REDIC1: variants seen among roughly 807,000 people sequenced by gnomAD.
REDIC1 encodes HEI10 Interacting Protein 1.
the REDIC1 span, among the ~76,000 whole-genome samples, chr12:39,806,181 T>C: frequency 6.6e-6 from 1 of 152,190 alleles, no homozygotes; most frequent in African/African-American, 2.4e-5. Context: ...AAAAAATCGA[T>C]GACAAGTTTA....
chr12:39,767,714 G>A, the REDIC1 span, among the ~76,000 whole-genome samples: 13 of 152,182 alleles, frequency 8.5e-5, no homozygotes, highest in African/African-American at 2.9e-4. Context: ...TAGTCTCCAC[G>A]TTGTGGGAGA....
chr12:39,870,063 A>G, the REDIC1 span, among the ~76,000 whole-genome samples: 4 of 152,222 alleles, frequency 2.6e-5, no homozygotes, highest in African/African-American at 9.6e-5. Context: ...AAAATCCTAC[A>G]GAACTGATAA....
the REDIC1 span, among the ~76,000 whole-genome samples, chr12:39,651,414 C>T: frequency 1.4e-5 from 2 of 147,502 alleles, no homozygotes; most frequent in South Asian, 2.2e-4. Context: ...CAGTTTGACC[C>T]ACTCCTGGTG....
the REDIC1 span, among the ~76,000 whole-genome samples, chr12:39,724,155 A>G: frequency 2.0e-5 from 3 of 152,084 alleles, no homozygotes; most frequent in Non-Finnish European, 2.9e-5. Context: ...ACAATATCTG[A>G]TGGGAATTGG....
chr12:39,637,641 A>T, the REDIC1 span, among the ~76,000 whole-genome samples: 1 of 152,104 alleles, frequency 6.6e-6, no homozygotes, highest in African/African-American at 2.4e-5. Flanking sequence ...ATTTGCATAA[A>T]ATCAAAGAGA....
the REDIC1 span, among the ~76,000 whole-genome samples, chr12:39,788,998 GTTTGT>G: frequency 6.6e-6 from 1 of 152,064 alleles, no homozygotes; most frequent in African/African-American, 2.4e-5. Context: ...TTGTTTTGTA[GTTTGT>G]TTTAACTTAT....
At chr12:39,812,210 G>C in the REDIC1 span, among the ~76,000 whole-genome samples, 2 of 152,046 alleles carry the variant, frequency 1.3e-5, no homozygotes, top group Non-Finnish European at 2.9e-5. Context: ...TGGTAGAATG[G>C]AAGAGGGAAT....
At chr12:39,830,038 A>T in the REDIC1 span, 1 of 1,602,734 alleles carries the variant, frequency 6.2e-7, no homozygotes, top group Non-Finnish European at 8.5e-7. Flanking sequence ...GCACTCTGAA[A>T]ACTTAAACAT....
chr12:39,693,785 G>C, the REDIC1 span, among the ~76,000 whole-genome samples: 3 of 152,100 alleles, frequency 2.0e-5, no homozygotes, highest in Non-Finnish European at 4.4e-5. Context: ...ATTTGTGGAG[G>C]TTCATTTTCA....
the REDIC1 span, among the ~76,000 whole-genome samples, chr12:39,880,202 A>C: frequency 4.6e-5 from 7 of 152,214 alleles, no homozygotes; most frequent in Non-Finnish European, 7.3e-5. Context: ...TAAGCCAAGT[A>C]AATCTCTTTT....
At chr12:39,695,606 G>T in the REDIC1 span, among the ~76,000 whole-genome samples, 11 of 152,258 alleles carry the variant, frequency 7.2e-5, no homozygotes, top group Non-Finnish European at 1.6e-4. Context: ...GACTGCTAAG[G>T]TTTTTTATTG....
the REDIC1 span, among the ~76,000 whole-genome samples, chr12:39,780,959 T>A: frequency 3.3e-5 from 5 of 152,220 alleles, no homozygotes; most frequent in Non-Finnish European, 1.5e-5. Context: ...AAGAGCTTTG[T>A]AAATAATGAG....
chr12:39,881,202 T>C, the REDIC1 span, among the ~76,000 whole-genome samples: 16 of 152,270 alleles, frequency 1.1e-4, no homozygotes, highest in East Asian at 2.5e-3. Context: ...CCATAAAAAA[T>C]TAGGGATAAG....
the REDIC1 span, among the ~76,000 whole-genome samples, chr12:39,751,970 G>A: frequency 3.9e-5 from 6 of 152,182 alleles, no homozygotes; most frequent in Non-Finnish European, 8.8e-5. Context: ...GTTAATGGGT[G>A]CAGCACACCA....
chr12:39,857,717 T>C, the REDIC1 span, among the ~76,000 whole-genome samples: 1 of 152,152 alleles, frequency 6.6e-6, no homozygotes, highest in African/African-American at 2.4e-5. Context: ...GTGTATAAGG[T>C]CCTGAGATGT....
chr12:39,638,680 A>T, the REDIC1 span, among the ~76,000 whole-genome samples: 1 of 152,094 alleles, frequency 6.6e-6, no homozygotes, highest in South Asian at 2.1e-4. Flanking sequence ...TAACAGTGAT[A>T]GCCTTAATAA....
At chr12:39,808,850 C>A in the REDIC1 span, among the ~76,000 whole-genome samples, 1 of 152,010 alleles carries the variant, frequency 6.6e-6, no homozygotes, top group Non-Finnish European at 1.5e-5. Flanking sequence ...AATAATACTT[C>A]CGGTCTGTGG....
chr12:39,676,718 A>C, the REDIC1 span, among the ~76,000 whole-genome samples: 14 of 152,320 alleles, frequency 9.2e-5, no homozygotes, highest in Admixed American at 2.6e-4. Context: ...AGCATCAGGT[A>C]ACCTACAAAG....
the REDIC1 span, among the ~76,000 whole-genome samples, chr12:39,687,045 C>G: frequency 6.6e-6 from 1 of 152,210 alleles, no homozygotes; most frequent in Admixed American, 6.5e-5. Flanking sequence ...GAGACCTCCT[C>G]AGCCTCAACT....
Sources: gnomAD v4.1 joint callset for allele counts (sites outside exome capture counted in the v4.1 genomes callset) on GRCh38, gnomAD v4.1.1 for gene constraint, MANE v1.5 for transcripts, NCBI Gene and HGNC (gene_info 2026-07-23, HGNC 2026-07-21) for gene names.